The following OR51B5 variants were observed in gnomAD, a reference collection of about 807,000 sequenced individuals.
OR51B5 encodes the protein olfactory receptor family 51 subfamily B member 5, also known as olfactory receptor 51B5.
For synonymous variants in OR51B5, 186 were observed against 144.8 expected (o/e 1.28, Z -2.04); for missense variants, 456 against 374.6 (o/e 1.22, Z -1.79).
At chr11:5,452,227 G>A (rs76300752) in intron 1 of OR51B5, among the ~76,000 whole-genome samples, 6,041 of 152,128 alleles carry the variant, frequency 0.04, 387 homozygotes, top group African/African-American at 0.14. Context: ...AAGAGGGGCC[G>A]GGCACGGTGG....
intron 1 of OR51B5, among the ~76,000 whole-genome samples, chr11:5,468,236 A>G (rs1851167643): frequency 6.6e-6 from 1 of 152,214 alleles, no homozygotes; most frequent in Admixed American, 6.5e-5. Flanking sequence ...ATTCAGTTCA[A>G]GACTCTCTTT....
intron 1 of OR51B5, among the ~76,000 whole-genome samples, chr11:5,436,890 G>A (rs1244157460): frequency 8.3e-6 from 1 of 120,506 alleles, no homozygotes; most frequent in Non-Finnish European, 2.1e-5. Flanking sequence ...GGACTGAGAG[G>A]CAGAGGACCA....
chr11:5,357,842 C>A (rs939768590), intron 1 of OR51B5, among the ~76,000 whole-genome samples: 3 of 151,628 alleles, frequency 2.0e-5, no homozygotes, highest in African/African-American at 7.3e-5. Context: ...GAAACTCACT[C>A]AAAACCGCTC....
chr11:5,503,502 T>C (rs1162486968), intron 1 of OR51B5, among the ~76,000 whole-genome samples: 12 of 152,356 alleles, frequency 7.9e-5, no homozygotes, highest in Non-Finnish European at 1.3e-4. Context: ...CTCAACATGT[T>C]CCAATTTATA....
chr11:5,418,969 C>A (rs939584807), intron 1 of OR51B5, among the ~76,000 whole-genome samples: 6 of 150,914 alleles, frequency 4.0e-5, no homozygotes, highest in Admixed American at 1.3e-4. Context: ...GGTAATAGGG[C>A]AGTTTCTGAT....
At chr11:5,472,889 T>A (rs1203282635) in intron 1 of OR51B5, among the ~76,000 whole-genome samples, 7 of 152,200 alleles carry the variant, frequency 4.6e-5, no homozygotes, top group African/African-American at 1.7e-4. Context: ...CCTAATTATT[T>A]AGAGTCATCA....
chr11:5,476,581 A>G (rs1851309536), intron 1 of OR51B5, among the ~76,000 whole-genome samples: 2 of 152,212 alleles, frequency 1.3e-5, no homozygotes, highest in Admixed American at 1.3e-4. Flanking sequence ...GACCATCAGT[A>G]TTTCATGTAT....
At chr11:5,405,985 T>C (rs1175146602) in intron 1 of OR51B5, among the ~76,000 whole-genome samples, 1 of 152,208 alleles carries the variant, frequency 6.6e-6, no homozygotes, top group Non-Finnish European at 1.5e-5. Context: ...ACAGTGATTA[T>C]TTCCTGAGAT....
intron 1 of OR51B5, among the ~76,000 whole-genome samples, chr11:5,366,978 C>T (rs1228066796): frequency 6.6e-6 from 1 of 152,080 alleles, no homozygotes; most frequent in African/African-American, 2.4e-5. Flanking sequence ...TCCTAACATT[C>T]CCCTCCCAAA....
At chr11:5,386,059 A>T (rs1171848264) in intron 1 of OR51B5, among the ~76,000 whole-genome samples, 1 of 152,016 alleles carries the variant, frequency 6.6e-6, no homozygotes, top group East Asian at 1.9e-4. Flanking sequence ...GATGTACCTA[A>T]TGCTACAGAA....
At chr11:5,462,713 C>G (rs755574044) in intron 1 of OR51B5, among the ~76,000 whole-genome samples, 1 of 152,194 alleles carries the variant, frequency 6.6e-6, no homozygotes, top group African/African-American at 2.4e-5. Flanking sequence ...TCTACCTGGG[C>G]TGATGCACTA....
chr11:5,467,565 T>C (rs1395561404), intron 1 of OR51B5, among the ~76,000 whole-genome samples: 2 of 152,256 alleles, frequency 1.3e-5, no homozygotes, highest in African/African-American at 4.8e-5. Context: ...ATCATTCTTT[T>C]TAAATCTGTT....
chr11:5,423,319 A>T, intron 1 of OR51B5: 1 of 746,288 alleles, frequency 1.3e-6, no homozygotes, highest in Non-Finnish European at 2.1e-6. Context: ...AGCTAGCAGC[A>T]GTGATTCTAT....
At chr11:5,430,301 T>C (rs1470262664) in intron 1 of OR51B5, among the ~76,000 whole-genome samples, 3 of 152,280 alleles carry the variant, frequency 2.0e-5, no homozygotes, top group African/African-American at 7.2e-5. Flanking sequence ...AAATTTAAAT[T>C]TCATTAAGTC....
At chr11:5,378,485 T>C (rs1282706536) in intron 1 of OR51B5, among the ~76,000 whole-genome samples, 4 of 152,228 alleles carry the variant, frequency 2.6e-5, no homozygotes, top group African/African-American at 4.8e-5. Flanking sequence ...CTAAAGAGCT[T>C]CTGCACAGCT....
At chr11:5,443,075 G>A (rs1037004534) in intron 1 of OR51B5, among the ~76,000 whole-genome samples, 2 of 152,034 alleles carry the variant, frequency 1.3e-5, no homozygotes, top group African/African-American at 2.4e-5. Context: ...TGCAAACTGA[G>A]AAGTCACACC....
exon 1 of OR51B5, chr11:5,343,042 G>C (rs1444973896): frequency 6.2e-7 from 1 of 1,613,786 alleles, no homozygotes; most frequent in African/African-American, 1.3e-5. Context: ...GAAAAAAATA[G>C]AGGGGCCTGA....
At chr11:5,487,651 T>A (rs551949630) in intron 1 of OR51B5, among the ~76,000 whole-genome samples, 2 of 152,342 alleles carry the variant, frequency 1.3e-5, no homozygotes, top group South Asian at 4.1e-4. Flanking sequence ...TAGCTATCCC[T>A]CTACAGCAAG....
intron 1 of OR51B5, among the ~76,000 whole-genome samples, chr11:5,474,475 C>T (rs980231547): frequency 2.9e-5 from 4 of 136,276 alleles, no homozygotes; most frequent in African/African-American, 1.1e-4. Context: ...TGTTTTTTAA[C>T]AAATTAATAA....
Sources: allele counts gnomAD v4.1 joint callset (sites outside exome capture counted in the v4.1 genomes callset), GRCh38; gene constraint gnomAD v4.1.1; transcripts MANE v1.5; gene names NCBI Gene and HGNC (gene_info 2026-07-23, HGNC 2026-07-21).